The following SNTB1 variants were observed in gnomAD, a reference collection of about 807,000 sequenced individuals.
SNTB1 encodes syntrophin beta 1.
In SNTB1, 36 loss-of-function variants were observed where a neutral mutation model predicts 48.9. That is an observed-to-expected ratio of 0.74 (90% confidence interval 0.56 to 0.97). The LOEUF (loss-of-function observed/expected upper bound fraction) is 0.97. Among genes scored for constraint, SNTB1 ranks in the 50% least tolerant of loss-of-function variants. The probability of loss-of-function intolerance (pLI) is 0.00; values close to 1 mark genes in which losing one functional copy is unlikely to be tolerated. For missense variants in SNTB1, 786 were observed against 703.4 expected (o/e 1.12, Z -1.33); for synonymous variants, 299 against 294.6 (o/e 1.01, Z -0.15).
At chr8:120,584,063 C>G (rs1816093574) in intron 3 of SNTB1, among the ~76,000 whole-genome samples, 1 of 152,158 alleles carries the variant, frequency 6.6e-6, no homozygotes. Context: ...CTTGTAAGCC[C>G]AACACCTTGG....
At chr8:120,574,969 G>T in intron 4 of SNTB1, 117 bp downstream of exon 4, 2 of 1,263,350 alleles carry the variant, frequency 1.6e-6, no homozygotes, top group East Asian at 2.4e-5. Context: ...ATATTCTTAA[G>T]GAGCTCTCAG....
At chr8:120,543,008 G>A (rs1204326762) in intron 5 of SNTB1, among the ~76,000 whole-genome samples, 1 of 152,094 alleles carries the variant, frequency 6.6e-6, no homozygotes, top group Non-Finnish European at 1.5e-5. Context: ...AATCTCATGG[G>A]TGGTATCCAC....
At chr8:120,702,649 C>T (rs148022221) in intron 1 of SNTB1, among the ~76,000 whole-genome samples, 54 of 151,946 alleles carry the variant, frequency 3.6e-4, no homozygotes, top group East Asian at 3.9e-4. Context: ...GCTTATTCCA[C>T]GCCAGGCACT....
At chr8:120,780,219 C>G (rs1819811384) in intron 1 of SNTB1, among the ~76,000 whole-genome samples, 2 of 152,206 alleles carry the variant, frequency 1.3e-5, no homozygotes, top group African/African-American at 4.8e-5. Context: ...ACAACTCCTT[C>G]TACATTTCTT....
chr8:120,695,629 T>TA (rs1818199164), intron 1 of SNTB1, among the ~76,000 whole-genome samples: 2 of 152,006 alleles, frequency 1.3e-5, no homozygotes, highest in Non-Finnish European at 1.5e-5. Context: ...AAGAACCCAT[T>TA]AAAAAAAGGA....
chr8:120,637,080 G>T (rs1817092634), intron 2 of SNTB1: 1 of 376,224 alleles, frequency 2.7e-6, no homozygotes, highest in Non-Finnish European at 5.2e-6. Flanking sequence ...TAAAGGAGAA[G>T]ATGCAGGAGC....
At chr8:120,798,489 G>C (rs1456786603) in intron 1 of SNTB1, among the ~76,000 whole-genome samples, 2 of 151,988 alleles carry the variant, frequency 1.3e-5, no homozygotes, top group African/African-American at 2.4e-5. Flanking sequence ...TAATACAAAG[G>C]ACAGCCTCCA....
At chr8:120,719,523 T>A (rs769421482) in intron 1 of SNTB1, among the ~76,000 whole-genome samples, 6 of 152,186 alleles carry the variant, frequency 3.9e-5, no homozygotes, top group African/African-American at 2.4e-5. Context: ...TTGGTCTGAG[T>A]CTGTCTAGCT....
intron 3 of SNTB1, among the ~76,000 whole-genome samples, chr8:120,592,473 C>A (rs1284816596): frequency 1.3e-5 from 2 of 152,068 alleles, no homozygotes; most frequent in Non-Finnish European, 2.9e-5. Flanking sequence ...ATCCACTGTG[C>A]CTGGCCAAGC....
chr8:120,731,911 C>G (rs1396989589), intron 1 of SNTB1, among the ~76,000 whole-genome samples: 1 of 152,180 alleles, frequency 6.6e-6, no homozygotes, highest in Admixed American at 6.5e-5. Context: ...TGCTATATAA[C>G]TTCTGCAAAG....
At chr8:120,600,912 G>A (rs1279134374) in intron 3 of SNTB1, among the ~76,000 whole-genome samples, 2 of 151,992 alleles carry the variant, frequency 1.3e-5, no homozygotes, top group Admixed American at 1.3e-4. Context: ...GCCCAGCCTT[G>A]CTCATCTTGA....
chr8:120,660,946 A>G (rs1018787344), intron 2 of SNTB1, among the ~76,000 whole-genome samples: 6 of 152,224 alleles, frequency 3.9e-5, no homozygotes, highest in Admixed American at 2.0e-4. Context: ...GACAGGATAC[A>G]TACAACATTT....
intron 2 of SNTB1, among the ~76,000 whole-genome samples, chr8:120,658,396 T>C (rs1308285039): frequency 6.6e-6 from 1 of 152,156 alleles, no homozygotes; most frequent in Non-Finnish European, 1.5e-5. Flanking sequence ...GGAAACACCA[T>C]AGGCAATTTA....
At chr8:120,696,612 T>TA (rs1468394826) in intron 1 of SNTB1, among the ~76,000 whole-genome samples, 1 of 152,176 alleles carries the variant, frequency 6.6e-6, no homozygotes, top group South Asian at 2.1e-4. Flanking sequence ...GTCCACGAGT[T>TA]ATACAAGAAA....
chr8:120,778,306 C>T (rs1255826446), intron 1 of SNTB1, among the ~76,000 whole-genome samples: 2 of 152,200 alleles, frequency 1.3e-5, no homozygotes, highest in African/African-American at 4.8e-5. Flanking sequence ...AAGATCTCTA[C>T]TACCCCCACA....
Position 120,537,713 on chromosome 8 carries a change from AG to A in SNTB1, c.*1163del, listed in dbSNP as rs923546592. 5 of 152,352 alleles carry A rather than the reference AG, an allele frequency of 3.3e-5. No homozygotes were observed. The highest frequency in any genetic ancestry group is 1.2e-4 in the African/African-American group (5 of 41,592). 9.4% of individuals were successfully genotyped at this position (152,352 alleles called of 1,614,324 possible). A position where few individuals can be genotyped will look rare whatever the true frequency, so the allele number is the denominator to read the frequency against. ...TAGTGAATTTGTTTTGAAAGATAAA[AG>A]TAAAAGCATTAAATCAGTAATGTGC... On this transcript the variant is annotated 3_prime_UTR_variant, in exon 7 of 7. Transcript: ENST00000517992.
At chr8:120,685,538 CATTAA>C (rs1431045848) in intron 2 of SNTB1, among the ~76,000 whole-genome samples, 2 of 152,206 alleles carry the variant, frequency 1.3e-5, no homozygotes, top group Admixed American at 1.3e-4. Flanking sequence ...AGAGCAGAGT[CATTAA>C]ATTGTTCTGT....
chr8:120,555,665 C>A (rs1257629690), intron 4 of SNTB1, among the ~76,000 whole-genome samples: 1 of 152,162 alleles, frequency 6.6e-6, no homozygotes, highest in Non-Finnish European at 1.5e-5. Flanking sequence ...TTAAAAAGAA[C>A]AGCCTTACTG....
At chr8:120,727,186 T>C (rs1818771365) in intron 1 of SNTB1, among the ~76,000 whole-genome samples, 1 of 152,182 alleles carries the variant, frequency 6.6e-6, no homozygotes, top group South Asian at 2.1e-4. Context: ...AAGGCTGCCT[T>C]GTCCTGTTAT....
Sources: allele counts gnomAD v4.1 joint callset (sites outside exome capture counted in the v4.1 genomes callset), GRCh38; gene constraint gnomAD v4.1.1; transcripts MANE v1.5; gene names NCBI Gene and HGNC (gene_info 2026-07-23, HGNC 2026-07-21).